The following RESP18 variants were observed in gnomAD, a reference collection of about 807,000 sequenced individuals.
RESP18 encodes regulated endocrine specific protein 18, also known as regulated endocrine-specific protein 18.
RESP18 carries 30 observed loss-of-function variants against 30.0 expected under a neutral mutation model. That is an observed-to-expected ratio of 1.00 (90% CI 0.75 to 1.36). The LOEUF is 1.36. RESP18 is among the 40% of genes most tolerant of loss of function. The pLI is 0.00. For missense variants in RESP18, 320 were observed against 284.2 expected (o/e 1.13, Z -0.91); for synonymous variants, 117 against 111.2 (o/e 1.05, Z -0.33).
In RESP18 at chr2:219,332,546, G is replaced by GC. The variant is rs770794530; in HGVS notation, c.209dup (p.Cys71LeufsTer5). 2.6e-6 allele frequency: 4 copies of GC among 1,551,076 alleles called. No individual in the cohort carries two copies. Among genetic ancestry groups the GC allele is most frequent in the Admixed American group, 3.9e-5 (2 of 50,998 alleles). ...GACCGTGGGCACTAGTGTCGCTGCA[G>GC]CCCCCCGGGCAGCTGTTCAGCAGCA... is the stretch of plus-strand genomic sequence containing the variant. On this transcript the variant is annotated frameshift_variant, in exon 2 of 7. Transcript: ENST00000333527. LOFTEE classifies it high-confidence loss of function.
In RESP18 at chr2:219,332,625, T is replaced by C. The variant is rs1017708860; in HGVS notation, c.131A>G (p.Gln44Arg). 26 of 1,551,316 alleles carry C rather than the reference T, an allele frequency of 1.7e-5. No homozygotes were observed. In the African/African-American group the frequency reaches 3.4e-4, roughly 20 times the overall value. The change falls in exon 2 of 7, where the codon CAG (glutamine) becomes CGG (arginine). Residue 44 changes from glutamine to arginine, a missense_variant. By Grantham distance (43) the Gln-to-Arg change is conservative. Coordinates refer to ENST00000333527, the MANE Select transcript of RESP18 (RefSeq NM_001007089.4). Reference sequence around the variant, plus strand: ...GGAGCTCCCAGGCCACAGTGGGTGCTGTATCCTCCCAGGCTCGGCGCGCTC... The same window carrying C: ...GGAGCTCCCAGGCCACAGTGGGTGCCGTATCCTCCCAGGCTCGGCGCGCTC...
At chr2:219,330,049 T>A (rs1323028264) in intron 3 of RESP18, among the ~76,000 whole-genome samples, 1 of 152,214 alleles carries the variant, frequency 6.6e-6, no homozygotes, top group African/African-American at 2.4e-5. Context: ...TATCAAACTT[T>A]AGCATGTGCA....
At chr2:219,332,881 C>G (rs1488533825) in intron 1 of RESP18, 137 bp from the exon 1 acceptor site, 3 of 730,016 alleles carry the variant, frequency 4.1e-6, no homozygotes, top group Non-Finnish European at 4.4e-6. Context: ...TAGCTGGGTC[C>G]CAAGAACCAC....
intron 6 of RESP18, among the ~76,000 whole-genome samples, chr2:219,328,526 A>C (rs1045055116): frequency 1.3e-5 from 2 of 152,182 alleles, no homozygotes; most frequent in Non-Finnish European, 2.9e-5. Flanking sequence ...GTGGAAGGGC[A>C]GGGACTATGC....
At position 219,332,390 on chromosome 2, in the gene RESP18, A is replaced by G. The variant is rs182273721; in HGVS notation, c.232+134T>C. 7.2e-4 allele frequency: 487 copies of G among 672,814 alleles called. 3 individuals are homozygous for G. Among genetic ancestry groups the G allele is most frequent in the African/African-American group, 3.3e-3 (180 of 54,990 alleles). The allele number at this position is 672,814 out of a possible 1,614,324, so 41.7% of individuals were successfully genotyped here. On this transcript the variant is annotated intron_variant, in intron 2 of 6. Coordinates refer to ENST00000333527, the MANE Select transcript of RESP18 (RefSeq NM_001007089.4). Reference sequence around the variant, plus strand: ...TGCCTCTTTCCGCTAGACGCTGTCTACCTTTTTCTCTTCTCACGTCCTTAA... The same window carrying G: ...TGCCTCTTTCCGCTAGACGCTGTCTGCCTTTTTCTCTTCTCACGTCCTTAA...
chr2:219,327,603 G>C (rs377653594), intron 6 of RESP18, 40 bp from the exon 6 acceptor site: 6 of 1,516,944 alleles, frequency 4.0e-6, no homozygotes, highest in East Asian at 4.9e-5. Flanking sequence ...GTCAGGATGT[G>C]AGACAGTGGC....
chr2:219,330,847 C>A lies in RESP18; in HGVS notation c.261G>T (p.Gln87His). ...TGGCAAATCCTTGGAGGGGCCAAAG[C>A]TGCCCCACTCCTACTTGGTCCTGAC... Residue 87 changes from glutamine to histidine, a missense_variant, in exon 3 of 7, where the codon CAG (glutamine) becomes CAT (histidine). Gln to His is a conservative substitution (Grantham distance 24). Coordinates refer to ENST00000333527, the MANE Select transcript of RESP18 (RefSeq NM_001007089.4). 1 of 1,551,440 alleles carries A rather than the reference C, an allele frequency of 6.4e-7. No individual in the cohort carries two copies. The highest frequency in any genetic ancestry group is 8.7e-7 in the Non-Finnish European group (1 of 1,146,804).
At chr2:219,331,134 A>G in intron 2 of RESP18, 2 of 378,038 alleles carry the variant, frequency 5.3e-6, no homozygotes, top group Non-Finnish European at 4.8e-6. Flanking sequence ...AGCCTGTAGA[A>G]GTTCAGATGC....
chr2:219,330,937 A>G, intron 2 of RESP18, 62 bp from the exon 2 acceptor site: 1 of 971,010 alleles, frequency 1.0e-6, no homozygotes, highest in Non-Finnish European at 1.6e-6. Flanking sequence ...TCCCAGTTGA[A>G]GAGAAGCAGC....
At chr2:219,330,626 T>TC in intron 3 of RESP18, 145 bp downstream of exon 2, 1 of 569,998 alleles carries the variant, frequency 1.8e-6, no homozygotes, top group South Asian at 2.0e-5. Context: ...CCTACTCCTG[T>TC]CTCATCCCCA....
At chr2:219,329,933 A>G (rs1472224650) in intron 3 of RESP18, among the ~76,000 whole-genome samples, 169 bp from the exon 3 acceptor site, 1 of 152,236 alleles carries the variant, frequency 6.6e-6, no homozygotes, top group Admixed American at 6.5e-5. Context: ...TAATATTCAA[A>G]TTAGGATTAT....
At chr2:219,332,903 C>T (rs1051963495) in intron 1 of RESP18, among the ~76,000 whole-genome samples, 159 bp from the exon 1 acceptor site, 2 of 152,118 alleles carry the variant, frequency 1.3e-5, no homozygotes, top group African/African-American at 4.8e-5. Context: ...GCCTGTACTC[C>T]CAGTCCTAAG....
intron 6 of RESP18, among the ~76,000 whole-genome samples, chr2:219,327,908 G>A (rs1952790069): frequency 6.6e-6 from 1 of 152,214 alleles, no homozygotes; most frequent in Non-Finnish European, 1.5e-5. Context: ...AGGAAGCCCA[G>A]CTGCCACATT....
At chr2:219,327,605 G>C (rs1224872025) in intron 6 of RESP18, 42 bp from the exon 6 acceptor site, 2 of 1,509,348 alleles carry the variant, frequency 1.3e-6, no homozygotes, top group Non-Finnish European at 1.8e-6. Context: ...CAGGATGTGA[G>C]ACAGTGGCTC....
chr2:219,329,335 C>T, intron 4 of RESP18, 83 bp from the exon 4 acceptor site: 1 of 1,551,728 alleles, frequency 6.4e-7, no homozygotes, highest in Middle Eastern at 1.7e-4. Flanking sequence ...GATACAAAGT[C>T]AGGGATTCAC....
chr2:219,329,443 G>A lies in RESP18; in HGVS notation c.466-191C>T, dbSNP rs1039826085. 12 of 1,550,852 alleles carry A rather than the reference G, an allele frequency of 7.7e-6. No homozygotes were observed. The African/African-American group carries it at 1.2e-4, about 16-fold the overall frequency. On this transcript the variant is annotated intron_variant, in intron 4 of 6. Coordinates refer to ENST00000333527, the MANE Select transcript of RESP18 (RefSeq NM_001007089.4). Reference sequence around the variant, plus strand: ...GGAATGACAAATTGGACCTAGGCTTGCCACACCCACCTCCCCTCCCTTTGC... The same window carrying A: ...GGAATGACAAATTGGACCTAGGCTTACCACACCCACCTCCCCTCCCTTTGC...
intron 6 of RESP18, 102 bp downstream of exon 5, chr2:219,328,822 G>A: frequency 5.8e-6 from 4 of 692,592 alleles, no homozygotes; most frequent in Non-Finnish European, 1.0e-5. Flanking sequence ...CATCAAGGGA[G>A]TGTTGCTATC....
At chr2:219,330,156 C>T (rs972939229) in intron 3 of RESP18, among the ~76,000 whole-genome samples, 1 of 152,212 alleles carries the variant, frequency 6.6e-6, no homozygotes, top group Non-Finnish European at 1.5e-5. Flanking sequence ...CAAAAATTCC[C>T]ATTTCTAACA....
In RESP18 at chr2:219,328,910, A is replaced by T. The variant is rs1312775477; in HGVS notation, c.640+14T>A. ...CTCTGCTGTTTCAATGCCTATTTTA[A>T]ACTCAATACTTACGCATGATCTTAT... On this transcript the variant is annotated intron_variant, in intron 6 of 6. Transcript: ENST00000333527. 3.9e-6 allele frequency: 6 copies of T among 1,528,750 alleles called. No homozygotes were observed. The highest frequency in any genetic ancestry group is 5.3e-6 in the Non-Finnish European group (6 of 1,127,576). 94.7% of individuals were successfully genotyped at this position (1,528,750 alleles called of 1,614,324 possible).
Sources: gnomAD v4.1 joint callset for allele counts (sites outside exome capture counted in the v4.1 genomes callset) on GRCh38, gnomAD v4.1.1 for gene constraint, MANE v1.5 for transcripts, NCBI Gene and HGNC (gene_info 2026-07-23, HGNC 2026-07-21) for gene names.